The following KCNN1 variants were observed in gnomAD, a reference collection of about 807,000 sequenced individuals.
The protein encoded by KCNN1 is small conductance calcium-activated potassium channel protein 1.
KCNN1 carries 20 observed loss-of-function variants against 44.7 expected under a neutral mutation model. The ratio of observed to expected loss-of-function variants is 0.45; its 90% CI spans 0.32 to 0.65. The LOEUF (loss-of-function observed/expected upper bound fraction) is 0.65, where lower values mean the gene tolerates loss of function less well. Ranked by LOEUF, KCNN1 falls within the 30% of genes least tolerant of loss-of-function variation. KCNN1 has a pLI of 0.05. For synonymous variants in KCNN1, 324 were observed against 341.7 expected (o/e 0.95, Z 0.57); for missense variants, 632 against 785.3 (o/e 0.80, Z 2.33).
intron 4 of KCNN1, 78 bp downstream of exon 4, chr19:17,982,205 C>T: frequency 8.2e-7 from 1 of 1,225,348 alleles, no homozygotes; most frequent in Non-Finnish European, 1.1e-6. Flanking sequence ...CATGATTTCA[C>T]CGACCCTGGG....
rs114121404 is a variant in KCNN1, at chr19:17,960,738, G to A, written c.-82+6057G>A. Among the ~76,000 whole-genome samples, 818 of 152,224 alleles carry A rather than the reference G, an allele frequency of 5.4e-3. 5 individuals carry two copies. The highest frequency in any genetic ancestry group is 0.019 in the African/African-American group (783 of 41,518). On this transcript the variant is annotated intron_variant, in intron 2 of 10. Transcript: ENST00000222249. The stretch of plus-strand genomic sequence containing the variant: ...GTGTTGGTGGTGTTGCCTTCCCTCC[G>A]GAGGCTCTCAGGAGGATCCTTTCCT...
rs2032510924 is a variant in KCNN1 at position 17,983,987 on chromosome 19, C to A, written c.918-1325C>A. ...CCTGGCTAACATGGTGAAACCCTGTCTCTACTAAAAATACAAAAAAAAAAA... is the reference window on the plus strand; with the variant it reads ...CCTGGCTAACATGGTGAAACCCTGTATCTACTAAAAATACAAAAAAAAAAA... On this transcript the variant is annotated intron_variant, in intron 4 of 9. Transcript: ENST00000684775. The surrounding 1 kb of genome is among the most constrained non-coding windows in gnomAD (Gnocchi z 4.5). Among the ~76,000 whole-genome samples, 1 of 151,450 alleles carries A rather than the reference C, an allele frequency of 6.6e-6. No homozygotes were observed. Among genetic ancestry groups the A allele is most frequent in the Non-Finnish European group, 1.5e-5 (1 of 67,874 alleles).
Position 17,998,247 on chromosome 19 carries a change from G to T in KCNN1, c.1473G>T (p.Ala491=). 2 of 1,569,556 alleles carry T rather than the reference G, an allele frequency of 1.3e-6. No individual in the cohort carries two copies. The highest frequency in any genetic ancestry group is 1.2e-5 in the South Asian group (1 of 85,958). The change falls in exon 10 of 10, where the codon GCG becomes GCT. Residue 491 remains alanine, a synonymous_variant. Transcript: ENST00000684775. The surrounding 1 kb of genome is among the most constrained non-coding windows in gnomAD (Gnocchi z 5.4). ...CCACCCTGGAAAGCCGCTTGGATGC[G>T]CTGGGTGCCTCTCTACAGGCCCTGC... is the stretch of plus-strand genomic sequence containing the variant. ...RLATLESRLD[A]LGASLQALPG...
chr19:17,992,742 G>A (rs73024695), intron 7 of KCNN1, among the ~76,000 whole-genome samples: 1,524 of 152,302 alleles, frequency 0.01, 16 homozygotes, highest in Admixed American at 0.015. Context: ...GCCGGGGTGC[G>A]GATGGGCAGT....
chr19:17,966,023 G>GCCTGCCTGCCTTCCTTCCTTCCTT (rs1369774115), upstream of KCNN1, among the ~76,000 whole-genome samples: 1 of 119,636 alleles, frequency 8.4e-6, no homozygotes, highest in Admixed American at 8.5e-5. Flanking sequence ...CTGCCTGCCT[G>GCCTGCCTGCCTTCCTTCCTTCCTT]CCTTCCTTCC....
At chr19:17,967,850 A>G (rs1417427163) in intron 1 of KCNN1, among the ~76,000 whole-genome samples, 1 of 151,890 alleles carries the variant, frequency 6.6e-6, no homozygotes, top group Non-Finnish European at 1.5e-5. Flanking sequence ...GGTGAGGCTG[A>G]TGGAGATGCA....
At chr19:17,985,711 G>A (rs2032572815) in intron 5 of KCNN1, among the ~76,000 whole-genome samples, 1 of 152,146 alleles carries the variant, frequency 6.6e-6, no homozygotes, top group Non-Finnish European at 1.5e-5. Context: ...CACCATGCCT[G>A]CCCAGTAAGA....
At position 17,998,070 on chromosome 19, in the gene KCNN1, T is replaced by C; in HGVS notation, c.1378-82T>C. The stretch of plus-strand genomic sequence containing the variant: ...CCACCTGGAGCGTGTGGGCTGTCCC[T>C]CTCTGTCATTGGTGTCGTGGTATCG... On this transcript the variant is annotated intron_variant, in intron 9 of 9. Coordinates refer to ENST00000684775, the MANE Select transcript of KCNN1 (RefSeq NM_001386974.1). This position sits in a 1 kb window ranked among gnomAD's most constrained non-coding sequence, Gnocchi z 5.4. 1 of 1,429,128 alleles carries C rather than the reference T, an allele frequency of 7.0e-7. No individual in the cohort carries two copies. The highest frequency in any genetic ancestry group is 9.3e-7 in the Non-Finnish European group (1 of 1,079,010). 88.5% of individuals were successfully genotyped at this position (1,429,128 alleles called of 1,614,324 possible).
In KCNN1 at chr19:17,989,861, C is replaced by T; in HGVS notation, c.1298+18C>T. On this transcript the variant is annotated intron_variant, in intron 7 of 9. Coordinates refer to ENST00000684775, the MANE Select transcript of KCNN1 (RefSeq NM_001386974.1). ...ATCCATCAGTAAGTCCAGCACCTTT[C>T]CAGCTCACGTTTCTGTGTCCACATG... 1 of 1,611,444 alleles carries T rather than the reference C, an allele frequency of 6.2e-7. No individual in the cohort carries two copies. The highest frequency in any genetic ancestry group is 8.5e-7 in the Non-Finnish European group (1 of 1,178,560).
chr19:17,984,692 G>A (rs1568456585), intron 4 of KCNN1, among the ~76,000 whole-genome samples: 1 of 152,126 alleles, frequency 6.6e-6, no homozygotes, highest in African/African-American at 2.4e-5. Flanking sequence ...CTGTGACCAG[G>A]ACTAAGTTCT....
chr19:17,956,883 C>T (rs972451881), intron 2 of KCNN1, among the ~76,000 whole-genome samples: 1 of 151,628 alleles, frequency 6.6e-6, no homozygotes, highest in Non-Finnish European at 1.5e-5. Flanking sequence ...CCCGTCTCTA[C>T]TAAATACAAA....
chr19:17,987,913 C>T (rs756506397), intron 5 of KCNN1, among the ~76,000 whole-genome samples: 2 of 150,346 alleles, frequency 1.3e-5, no homozygotes, highest in Non-Finnish European at 3.0e-5. Context: ...GAGGCCAAGG[C>T]GGGTGGATCA....
rs1427890055 is a variant in KCNN1 at position 17,981,733 on chromosome 19, G to C, written c.523G>C (p.Asp175His). The C allele has an allele frequency of 6.3e-7, 1 of 1,593,782 alleles. No individual in the cohort carries two copies. The highest frequency in any genetic ancestry group is 1.1e-5 in the South Asian group (1 of 89,128). Reference sequence around the variant, plus strand: ...GCTGTTCATGGTGGACAACGGGGCTGATGACTGGCGCATCGCCATGACCTG... The same window carrying C: ...GCTGTTCATGGTGGACAACGGGGCTCATGACTGGCGCATCGCCATGACCTG... The part of the protein sequence containing the change: ...IQLFMVDNGA[D>H]DWRIAMTCER... The change falls in exon 4 of 10, where the codon GAT becomes CAT. Residue 175 changes from aspartate to histidine, a missense_variant. By Grantham distance (81) the Asp-to-His change is moderately conservative (BLOSUM62 -1). Around this residue, in one of 3 missense-constraint regions of KCNN1, gnomAD observed 160 missense variants for 308.3 expected, o/e 0.52. Transcript: ENST00000684775.
chr19:17,969,925 AG>A (rs1784872066), intron 1 of KCNN1, among the ~76,000 whole-genome samples: 1 of 152,236 alleles, frequency 6.6e-6, no homozygotes, highest in Non-Finnish European at 1.5e-5. Flanking sequence ...GCGGATGTTC[AG>A]GCAGTGGGCA....
intron 1 of KCNN1, 41 bp downstream of exon 1, chr19:17,967,358 T>C (rs2145913443): frequency 1.0e-6 from 1 of 971,548 alleles, no homozygotes; most frequent in Non-Finnish European, 1.2e-6. Flanking sequence ...GGATCCAGGA[T>C]CTGCAGCTCA....
upstream of KCNN1, among the ~76,000 whole-genome samples, chr19:17,963,314 C>T (rs2031727194): frequency 7.1e-6 from 1 of 141,194 alleles, no homozygotes; most frequent in Non-Finnish European, 1.5e-5. Context: ...CACCCGGCCA[C>T]CTTTTTTTTT....
chr19:17,983,382 C>T lies in KCNN1; in HGVS notation c.917+1255C>T, dbSNP rs1016087745. 2.0e-5 allele frequency among the ~76,000 whole-genome samples: 3 copies of T among 152,108 alleles called. No individual in the cohort carries two copies. Among genetic ancestry groups the T allele is most frequent in the Non-Finnish European group, 2.9e-5 (2 of 67,982 alleles). Reference sequence around the variant, plus strand: ...CCAGCCCCCACCCCCCATACTCCCACGGGCCCTGCCTGGGCATGAGGCCTG... The same window carrying T: ...CCAGCCCCCACCCCCCATACTCCCATGGGCCCTGCCTGGGCATGAGGCCTG... On this transcript the variant is annotated intron_variant, in intron 4 of 9. Coordinates refer to ENST00000684775, the MANE Select transcript of KCNN1 (RefSeq NM_001386974.1). The surrounding 1 kb of genome is among the most constrained non-coding windows in gnomAD (Gnocchi z 4.5).
chr19:17,964,833 A>G (rs537823674), upstream of KCNN1, among the ~76,000 whole-genome samples: 4 of 152,294 alleles, frequency 2.6e-5, no homozygotes, highest in African/African-American at 9.6e-5. The surrounding 1 kb of genome is among the most constrained non-coding windows in gnomAD (Gnocchi z 4.3). Context: ...AGGTGAATGC[A>G]AAGGAGAACA....
upstream of KCNN1, among the ~76,000 whole-genome samples, chr19:17,963,407 A>G (rs890494432): frequency 1.6e-4 from 24 of 150,838 alleles, no homozygotes; most frequent in Non-Finnish European, 3.2e-4. Flanking sequence ...CCACCTCCCA[A>G]GTTCAAGCGA....
Sources: gnomAD v4.1 joint callset for allele counts (sites outside exome capture counted in the v4.1 genomes callset) on GRCh38, gnomAD v4.1.1 for gene constraint, gnomAD v4.1.1 regional missense constraint, Gnocchi (gnomAD v3.1) non-coding constraint, MANE v1.5 for transcripts, NCBI Gene and HGNC (gene_info 2026-07-23, HGNC 2026-07-21) for gene names.